SORCS2: variants seen among roughly 807,000 people sequenced by gnomAD.
SORCS2 encodes VPS10 domain-containing receptor SorCS2.
Under a neutral mutation model 141.6 loss-of-function variants are expected in SORCS2, and 100 were observed. The ratio of observed to expected loss-of-function variants is 0.71; its 90% CI spans 0.60 to 0.83. SORCS2 has a LOEUF of 0.83. Ranked by LOEUF, SORCS2 falls within the 40% of genes least tolerant of loss-of-function variation. SORCS2 has a pLI of 0.00. For synonymous variants in SORCS2, 789 were observed against 676.9 expected (o/e 1.17, Z -2.57); for missense variants, 1,646 against 1,560.2 (o/e 1.05, Z -0.93).
intron 2 of SORCS2, among the ~76,000 whole-genome samples, chr4:7,428,367 C>A (rs1255049080): frequency 6.6e-6 from 1 of 152,188 alleles, no homozygotes; most frequent in African/African-American, 2.4e-5. Flanking sequence ...GCTCATGGAG[C>A]CTGTTCCATG....
Position 7,420,877 on chromosome 4 carries a change from G to A in SORCS2, c.548+24522G>A, listed in dbSNP as rs111944678. Among the ~76,000 whole-genome samples, 1,351 of 152,250 alleles carry A rather than the reference G, an allele frequency of 8.9e-3. 9 individuals carry two copies. The highest frequency in any genetic ancestry group is 0.018 in the South Asian group (87 of 4,818). On this transcript the variant is annotated intron_variant, in intron 2 of 26. Coordinates refer to ENST00000507866, the MANE Select transcript of SORCS2 (RefSeq NM_020777.3). ...CCACTCAAAGCTTAAGTAGGTTCTC[G>A]GCTTGGCGCGGAGCCTCTCGCTTGC...
chr4:7,557,528 G>A (rs545024249), intron 3 of SORCS2, among the ~76,000 whole-genome samples: 95 of 152,334 alleles, frequency 6.2e-4, no homozygotes, highest in African/African-American at 2.3e-3. Context: ...AGATAGAGAT[G>A]AATAACCAAC....
At chr4:7,441,510 G>C (rs761767805) in intron 2 of SORCS2, among the ~76,000 whole-genome samples, 2 of 151,988 alleles carry the variant, frequency 1.3e-5, no homozygotes, top group African/African-American at 2.4e-5. Context: ...GGGAGGCGCA[G>C]GCCGGCAGGA....
intron 2 of SORCS2, among the ~76,000 whole-genome samples, chr4:7,468,934 C>G (rs1167128024): frequency 6.6e-6 from 1 of 152,228 alleles, no homozygotes; most frequent in Admixed American, 6.5e-5. Flanking sequence ...GGACAAGTCA[C>G]TTAACCTCTC....
chr4:7,263,400 C>G lies in SORCS2; in HGVS notation c.480+70274C>G, dbSNP rs1233833349. 2.0e-5 allele frequency among the ~76,000 whole-genome samples: 3 copies of G among 151,922 alleles called. No individual in the cohort carries two copies. In the East Asian group the frequency reaches 5.8e-4, roughly 29 times the overall value. ...AGGAAGGACCTTGTCAAAGAAAGCA[C>G]CCGTCATTCTGGTTCTGTGATGCTG... On this transcript the variant is annotated intron_variant, in intron 1 of 26. Coordinates refer to ENST00000507866, the MANE Select transcript of SORCS2 (RefSeq NM_020777.3).
At position 7,401,352 on chromosome 4, in the gene SORCS2, T is replaced by C. The variant is rs1165596709; in HGVS notation, c.548+4997T>C. Among the ~76,000 whole-genome samples the C allele has an allele frequency of 5.3e-5, 8 of 151,928 alleles. No individual in the cohort carries two copies. In the South Asian group the frequency reaches 6.2e-4, roughly 12 times the overall value. ...ATAAATAGATGGGTGGATGGACTGA[T>C]GGATGGACAGATGGATGGGTGGATG... On this transcript the variant is annotated intron_variant, in intron 2 of 26. Coordinates refer to ENST00000507866, the MANE Select transcript of SORCS2 (RefSeq NM_020777.3).
At chr4:7,726,753 C>T in intron 20 of SORCS2, 27 bp from the exon 21 acceptor site, 1 of 1,610,442 alleles carries the variant, frequency 6.2e-7, no homozygotes, top group Non-Finnish European at 8.5e-7. Context: ...CTCGGCCAGG[C>T]CCCTAAGCCC....
intron 2 of SORCS2, chr4:7,435,100 T>C: frequency 1.7e-6 from 1 of 574,314 alleles, no homozygotes; most frequent in Admixed American, 3.4e-5. Context: ...CTGGATAAGA[T>C]AAACTCTTAG....
rs916410186 is a variant in SORCS2 at position 7,260,295 on chromosome 4, T to G, written c.480+67169T>G. On this transcript the variant is annotated intron_variant, in intron 1 of 26. Coordinates refer to ENST00000507866, the MANE Select transcript of SORCS2 (RefSeq NM_020777.3). ...CTCTCTGTGGCCACTCAAAGGGGTC[T>G]GCTGTGTGGGTTTATCATAGGAGGG... 1.1e-4 allele frequency among the ~76,000 whole-genome samples: 17 copies of G among 152,306 alleles called. 1 individual carries two copies. The highest frequency in any genetic ancestry group is 3.4e-3 in the Middle Eastern group (1 of 294).
intron 3 of SORCS2, among the ~76,000 whole-genome samples, chr4:7,552,653 C>T (rs1025471848): frequency 2.6e-5 from 4 of 152,224 alleles, no homozygotes; most frequent in African/African-American, 9.6e-5. Context: ...GTGCTTCAAC[C>T]TCCTGCCATG....
chr4:7,715,092 C>T, intron 16 of SORCS2, 91 bp from the exon 17 acceptor site: 1 of 1,559,202 alleles, frequency 6.4e-7, no homozygotes, highest in Non-Finnish European at 8.7e-7. Context: ...ATGAGGTTCC[C>T]TTCTCAGCTC....
At chr4:7,596,929 A>G (rs150063198) in intron 3 of SORCS2, among the ~76,000 whole-genome samples, 1 of 152,130 alleles carries the variant, frequency 6.6e-6, no homozygotes, top group Non-Finnish European at 1.5e-5. Context: ...GTTGGGGGTG[A>G]AAGAGTAAGG....
chr4:7,258,697 T>C (rs557623373), intron 1 of SORCS2, among the ~76,000 whole-genome samples: 1 of 152,228 alleles, frequency 6.6e-6, no homozygotes, highest in Non-Finnish European at 1.5e-5. Flanking sequence ...GTATTTCTAG[T>C]TCTAGATCCT....
At chr4:7,513,840 G>T (rs144288871) in intron 2 of SORCS2, among the ~76,000 whole-genome samples, 3 of 152,286 alleles carry the variant, frequency 2.0e-5, no homozygotes, top group East Asian at 3.9e-4. Context: ...GGAGAAATAC[G>T]TTCTGCCAAT....
intron 3 of SORCS2, among the ~76,000 whole-genome samples, chr4:7,558,507 A>C (rs565642861): frequency 5.9e-5 from 9 of 152,218 alleles, no homozygotes; most frequent in Non-Finnish European, 1.3e-4. Flanking sequence ...TAACAGGGGA[A>C]GAACCTGGCT....
At chr4:7,561,116 T>A (rs928264975) in intron 3 of SORCS2, among the ~76,000 whole-genome samples, 20 of 152,134 alleles carry the variant, frequency 1.3e-4, no homozygotes, top group African/African-American at 4.6e-4. Context: ...AGAAGCTGGG[T>A]GTCATTCATC....
chr4:7,685,495 AC>A (rs1304960966), intron 10 of SORCS2, among the ~76,000 whole-genome samples: 1 of 151,952 alleles, frequency 6.6e-6, no homozygotes, highest in Non-Finnish European at 1.5e-5. Context: ...ACATGATGAA[AC>A]CCCGTCTCTA....
At chr4:7,311,408 T>C (rs1449833768) in intron 1 of SORCS2, among the ~76,000 whole-genome samples, 2 of 152,216 alleles carry the variant, frequency 1.3e-5, no homozygotes, top group Admixed American at 1.3e-4. Context: ...GAGACACCTG[T>C]CTTCATTTCT....
chr4:7,562,475 A>G (rs1330257726), intron 3 of SORCS2, among the ~76,000 whole-genome samples: 1 of 152,170 alleles, frequency 6.6e-6, no homozygotes, highest in South Asian at 2.1e-4. Context: ...ACTCAAGAAC[A>G]GGGGTTGGCA....
Sources: gnomAD v4.1 joint callset for allele counts (sites outside exome capture counted in the v4.1 genomes callset) on GRCh38, gnomAD v4.1.1 for gene constraint, MANE v1.5 for transcripts, NCBI Gene and HGNC (gene_info 2026-07-23, HGNC 2026-07-21) for gene names.